CDK14: variants seen among roughly 807,000 people sequenced by gnomAD.
CDK14 encodes the protein cyclin-dependent kinase 14.
CDK14 carries 34 observed loss-of-function variants against 60.7 expected under a neutral mutation model. That is an observed-to-expected ratio of 0.56 (90% CI 0.43 to 0.75). CDK14 has a LOEUF of 0.75. Among genes scored for constraint, CDK14 ranks in the 30% least tolerant of loss-of-function variants. The probability of loss-of-function intolerance (pLI) is 0.00; values close to 1 mark genes in which losing one functional copy is unlikely to be tolerated. For synonymous variants in CDK14, 197 were observed against 203.7 expected (o/e 0.97, Z 0.28); for missense variants, 482 against 564.1 (o/e 0.85, Z 1.47).
At chr7:91,174,752 A>G (rs1584168296) in intron 14 of CDK14, among the ~76,000 whole-genome samples, 1 of 108,014 alleles carries the variant, frequency 9.3e-6, no homozygotes, top group East Asian at 2.5e-4. Context: ...AGGGAAGTTT[A>G]GAGAAAAAAG....
intron 8 of CDK14, among the ~76,000 whole-genome samples, chr7:90,935,216 A>G (rs1793712467): frequency 6.6e-6 from 1 of 152,214 alleles, no homozygotes; most frequent in Non-Finnish European, 1.5e-5. Flanking sequence ...TAATCCATTC[A>G]TGAGGGCAGA....
At chr7:91,098,527 GAAAAA>G (rs35620677) in intron 12 of CDK14, among the ~76,000 whole-genome samples, 1 of 133,776 alleles carries the variant, frequency 7.5e-6, no homozygotes, top group Non-Finnish European at 1.6e-5. Flanking sequence ...GAAAGAAAGA[GAAAAA>G]AAAAAAGAAA....
rs185661980 is a variant in CDK14 at position 90,721,606 on chromosome 7, G to A, written c.124-4961G>A. Among the ~76,000 whole-genome samples, 1,313 of 152,218 alleles carry A rather than the reference G, an allele frequency of 8.6e-3. 10 individuals carry two copies. Among genetic ancestry groups the A allele is most frequent in the Non-Finnish European group, 0.012 (850 of 68,012 alleles). ...CTGGCTCTTTCACACTTCCTGCACT[G>A]TGAACTGGAATCTATTACTTTCCAA... is the stretch of plus-strand genomic sequence containing the variant. On this transcript the variant is annotated intron_variant, in intron 2 of 14. Coordinates refer to ENST00000380050, the MANE Select transcript of CDK14 (RefSeq NM_001287135.2).
chr7:91,052,117 A>G (rs1356926444), intron 11 of CDK14, among the ~76,000 whole-genome samples: 3 of 152,208 alleles, frequency 2.0e-5, no homozygotes, highest in Non-Finnish European at 4.4e-5. Context: ...CTGGGGCTGC[A>G]TGAGCTGAGA....
At chr7:91,173,735 C>T (rs1213948681) in intron 14 of CDK14, among the ~76,000 whole-genome samples, 1 of 152,148 alleles carries the variant, frequency 6.6e-6, no homozygotes, top group Non-Finnish European at 1.5e-5. Flanking sequence ...ACCCCAATAC[C>T]GCGCTTTTCC....
At chr7:90,849,928 A>G (rs556455045) in intron 5 of CDK14, among the ~76,000 whole-genome samples, 2 of 152,014 alleles carry the variant, frequency 1.3e-5, no homozygotes, top group Non-Finnish European at 2.9e-5. Flanking sequence ...AGTTTCCGAC[A>G]TGTGCTTTTA....
intron 6 of CDK14, among the ~76,000 whole-genome samples, chr7:90,869,862 A>G (rs907361032): frequency 7.9e-5 from 12 of 152,196 alleles, no homozygotes; most frequent in Admixed American, 3.3e-4. Flanking sequence ...GGGGCTGGAC[A>G]TTGTCTCTTG....
At chr7:91,177,412 C>A (rs1801809251) in intron 14 of CDK14, among the ~76,000 whole-genome samples, 1 of 151,546 alleles carries the variant, frequency 6.6e-6, no homozygotes, top group Non-Finnish European at 1.5e-5. Context: ...GACAGGGATA[C>A]CCTCTCTCAC....
At chr7:91,126,619 G>T (rs73400989) in intron 14 of CDK14, among the ~76,000 whole-genome samples, 4,198 of 152,178 alleles carry the variant, frequency 0.028, 187 homozygotes, top group East Asian at 0.22. Context: ...TATATCTTGT[G>T]TTCTTTAGAA....
intron 7 of CDK14, among the ~76,000 whole-genome samples, chr7:90,901,258 C>T (rs145737236): frequency 2.6e-5 from 4 of 152,148 alleles, no homozygotes; most frequent in Non-Finnish European, 4.4e-5. Flanking sequence ...CCTCCTAGGA[C>T]GTGGTGAGAA....
intron 13 of CDK14, among the ~76,000 whole-genome samples, chr7:91,114,143 A>T (rs1160834901): frequency 6.6e-6 from 1 of 152,206 alleles, no homozygotes; most frequent in African/African-American, 2.4e-5. Context: ...ATTTAGTGTA[A>T]CTTGTAACTT....
chr7:90,773,496 G>A (rs532132949), intron 4 of CDK14, among the ~76,000 whole-genome samples: 1 of 152,302 alleles, frequency 6.6e-6, no homozygotes, highest in South Asian at 2.1e-4. Context: ...CTGAACATCA[G>A]TGCTAGTTTT....
chr7:90,848,690 T>G (rs1790548185), intron 5 of CDK14, among the ~76,000 whole-genome samples: 1 of 152,122 alleles, frequency 6.6e-6, no homozygotes, highest in Non-Finnish European at 1.5e-5. Context: ...GCCACATTAG[T>G]CTTATCTGAA....
intron 8 of CDK14, among the ~76,000 whole-genome samples, chr7:90,928,765 T>A (rs779997471): frequency 6.6e-6 from 1 of 152,214 alleles, no homozygotes; most frequent in Admixed American, 6.5e-5. Context: ...GACAGGGACG[T>A]TTAAGTCTGC....
In CDK14 at chr7:90,625,869, A is replaced by G. The variant is rs2116386227; in HGVS notation, c.123+21620A>G. ...ACTCGTAGTCTTATTCCCAAACTGA[A>G]TCTGACCCAGCACCATTTTCCATTA... is the stretch of plus-strand genomic sequence containing the variant. On this transcript the variant is annotated intron_variant, in intron 2 of 14. Coordinates refer to ENST00000380050, the MANE Select transcript of CDK14 (RefSeq NM_001287135.2). 2.0e-5 allele frequency among the ~76,000 whole-genome samples: 3 copies of G among 152,326 alleles called. No homozygotes were observed. In the Middle Eastern group the frequency reaches 0.01, roughly 518 times the overall value.
At chr7:90,668,307 A>G (rs192077427) in intron 2 of CDK14, among the ~76,000 whole-genome samples, 330 of 152,230 alleles carry the variant, frequency 2.2e-3, no homozygotes, top group Non-Finnish European at 3.8e-3. Context: ...AGCTATTTGC[A>G]TATCTTCTTT....
At chr7:90,839,782 A>G (rs976806150) in intron 5 of CDK14, among the ~76,000 whole-genome samples, 1 of 152,094 alleles carries the variant, frequency 6.6e-6, no homozygotes, top group Non-Finnish European at 1.5e-5. Flanking sequence ...CATTTTTTTC[A>G]TTCAGAATCA....
intron 14 of CDK14, among the ~76,000 whole-genome samples, chr7:91,189,417 C>CA (rs1271535438): frequency 6.6e-6 from 1 of 152,136 alleles, no homozygotes; most frequent in African/African-American, 2.4e-5. Flanking sequence ...TTAAAGTTCT[C>CA]ACCCTGCAGA....
At chr7:90,711,897 T>TCAA in intron 2 of CDK14, among the ~76,000 whole-genome samples, 1 of 151,378 alleles carries the variant, frequency 6.6e-6, no homozygotes, top group African/African-American at 2.4e-5. Flanking sequence ...TTTTTTTTTT[T>TCAA]TTTTCAATTG....
Sources: gnomAD v4.1 joint callset for allele counts (sites outside exome capture counted in the v4.1 genomes callset) on GRCh38, gnomAD v4.1.1 for gene constraint, MANE v1.5 for transcripts, NCBI Gene and HGNC (gene_info 2026-07-23, HGNC 2026-07-21) for gene names.